The following KDM4C variants were observed in gnomAD, a reference collection of about 807,000 sequenced individuals.
The protein encoded by KDM4C is lysine-specific demethylase 4C.
In KDM4C, 81 loss-of-function variants were observed where a neutral mutation model predicts 129.3. The ratio of observed to expected loss-of-function variants is 0.63; its 90% CI spans 0.52 to 0.75. The LOEUF (loss-of-function observed/expected upper bound fraction) is 0.75. KDM4C is among the 30% of genes least tolerant of loss of function. The pLI is 0.00. For missense variants in KDM4C, 1,457 were observed against 1,304.0 expected, an observed-to-expected ratio of 1.12 and a Z score of -1.81; for synonymous variants, 573 against 456.1, an observed-to-expected ratio of 1.26 and a Z score of -3.26.
At chr9:6,837,429 A>G (rs140078227) in intron 4 of KDM4C, among the ~76,000 whole-genome samples, 228 of 152,340 alleles carry the variant, frequency 1.5e-3, no homozygotes, top group African/African-American at 5.2e-3. Flanking sequence ...TTAAGTGTAT[A>G]CTTCAGTGAT....
In KDM4C at chr9:7,103,805, G is replaced by T. The variant is rs1837375020; in HGVS notation, c.2545G>T (p.Glu849Ter). 1 of 1,613,898 alleles carries T rather than the reference G, an allele frequency of 6.2e-7. No homozygotes were observed. The highest frequency in any genetic ancestry group is 1.1e-5 in the South Asian group (1 of 91,084). The part of the protein sequence containing the change: ...TCAHAAGVLM[E>*]PDDWPYVVNI... The stretch of plus-strand genomic sequence containing the variant: ...TGCCCATGCTGCTGGGGTACTGATG[G>T]AGCCTGATGACTGGCCTTATGTGGT... Residue 849 changes from glutamate (E) to a stop codon, truncating the protein, a stop_gained, in exon 18 of 22, where the codon GAG becomes TAG. Coordinates refer to ENST00000381309, the MANE Select transcript of KDM4C (RefSeq NM_015061.6). LOFTEE classifies it high-confidence loss of function.
chr9:7,017,290 C>G (rs1341092854), intron 15 of KDM4C, among the ~76,000 whole-genome samples: 1 of 152,154 alleles, frequency 6.6e-6, no homozygotes, highest in African/African-American at 2.4e-5. Context: ...CTCATCCTTA[C>G]ATTTATACTT....
chr9:6,898,538 G>C (rs1365443374), intron 8 of KDM4C, among the ~76,000 whole-genome samples: 1 of 151,946 alleles, frequency 6.6e-6, no homozygotes, highest in Non-Finnish European at 1.5e-5. Flanking sequence ...TGCAGAGCTG[G>C]GAATGTTCTC....
chr9:6,986,924 T>G, intron 11 of KDM4C: 1 of 412,234 alleles, frequency 2.4e-6, no homozygotes, highest in Non-Finnish European at 4.3e-6. Flanking sequence ...AAAATTAAAC[T>G]CTTTACTTTG....
intron 16 of KDM4C, 93 bp downstream of exon 16, chr9:7,047,010 A>G (rs1433356660): frequency 5.6e-6 from 5 of 892,516 alleles, no homozygotes; most frequent in Non-Finnish European, 9.1e-6. Context: ...CTCATTGTAC[A>G]CGTGGTTTCA....
At chr9:7,075,436 A>T (rs1026896356) in intron 17 of KDM4C, among the ~76,000 whole-genome samples, 6 of 152,086 alleles carry the variant, frequency 3.9e-5, no homozygotes, top group African/African-American at 1.2e-4. Flanking sequence ...TCATGAATGG[A>T]TGAATGCCCT....
intron 8 of KDM4C, among the ~76,000 whole-genome samples, chr9:6,928,849 C>G (rs10975904): frequency 0.073 from 11,047 of 152,146 alleles, 1,082 homozygotes; most frequent in African/African-American, 0.22. Flanking sequence ...TGAGGTTTCC[C>G]TATGGAAGTA....
intron 5 of KDM4C, among the ~76,000 whole-genome samples, chr9:6,874,378 T>A (rs1382851199): frequency 6.6e-6 from 1 of 152,210 alleles, no homozygotes; most frequent in African/African-American, 2.4e-5. Context: ...AGCCCCGGGT[T>A]TTTTTAAAGG....
chr9:7,116,880 G>T (rs749421831), intron 18 of KDM4C, among the ~76,000 whole-genome samples: 2 of 152,024 alleles, frequency 1.3e-5, no homozygotes, highest in African/African-American at 2.4e-5. Context: ...CTCTAATTTT[G>T]TCTCCCGCTC....
chr9:6,858,646 G>T (rs529646902), intron 5 of KDM4C, among the ~76,000 whole-genome samples: 1 of 151,938 alleles, frequency 6.6e-6, no homozygotes, highest in Admixed American at 6.6e-5. Context: ...GGTGACGTGC[G>T]CCTGTAATCC....
intron 17 of KDM4C, among the ~76,000 whole-genome samples, chr9:7,056,465 C>T (rs1304630102): frequency 2.0e-5 from 3 of 152,074 alleles, no homozygotes; most frequent in African/African-American, 4.8e-5. Context: ...AATACCAAAC[C>T]ATAAAATCTT....
chr9:6,936,682 G>C (rs1299993152), intron 8 of KDM4C, among the ~76,000 whole-genome samples: 1 of 152,186 alleles, frequency 6.6e-6, no homozygotes, highest in African/African-American at 2.4e-5. Flanking sequence ...TTGTAGAAAG[G>C]TTCCTGTGAA....
chr9:6,819,243 G>C (rs563530956), intron 4 of KDM4C, among the ~76,000 whole-genome samples: 1 of 152,324 alleles, frequency 6.6e-6, no homozygotes, highest in South Asian at 2.1e-4. Flanking sequence ...AGCATTGACT[G>C]TAAAGATGAG....
intron 1 of KDM4C, among the ~76,000 whole-genome samples, chr9:6,747,560 G>C (rs200271184): frequency 1.7e-5 from 2 of 120,250 alleles, no homozygotes; most frequent in African/African-American, 6.6e-5. Flanking sequence ...AAAAAAAAAA[G>C]AATATAGAAA....
intron 2 of KDM4C, among the ~76,000 whole-genome samples, chr9:6,797,921 G>A (rs903315944): frequency 6.6e-6 from 1 of 152,190 alleles, no homozygotes; most frequent in African/African-American, 2.4e-5. Flanking sequence ...TCAGGAAGGT[G>A]AACTTCAGAA....
intron 1 of KDM4C, among the ~76,000 whole-genome samples, chr9:6,738,862 G>A (rs1817604949): frequency 6.6e-6 from 1 of 151,618 alleles, no homozygotes; most frequent in African/African-American, 2.4e-5. Flanking sequence ...TGGGATTACA[G>A]GCATGAGCTA....
At chr9:7,062,697 C>T (rs1564066029) in intron 17 of KDM4C, among the ~76,000 whole-genome samples, 1 of 150,832 alleles carries the variant, frequency 6.6e-6, no homozygotes, top group African/African-American at 2.4e-5. Flanking sequence ...TTTTTTTTTT[C>T]CCCACCATTT....
At chr9:6,725,990 G>A (rs1049567260) in intron 1 of KDM4C, among the ~76,000 whole-genome samples, 1 of 150,240 alleles carries the variant, frequency 6.7e-6, no homozygotes, top group Non-Finnish European at 1.5e-5. Flanking sequence ...GCAGTGGCGC[G>A]ATCTCGGCTC....
In KDM4C at chr9:7,013,911, A is replaced by T. The variant is rs1823165324; in HGVS notation, c.2092A>T (p.Ile698Leu). ...GTGTTTTATTTATAGTGAAGAAAAT[A>T]TAGAATATTCTCCACCCAATGCCTT... is the stretch of plus-strand genomic sequence containing the variant. ...EMCFIYSEEN[I>L]EYSPPNAFLE... is the part of the protein sequence containing the mutation. Residue 698 changes from isoleucine (I) to leucine (L), a missense_variant, in exon 14 of 22, where the codon ATA becomes TTA. Coordinates refer to ENST00000381309, the MANE Select transcript of KDM4C (RefSeq NM_015061.6). 1 of 1,613,876 alleles carries T rather than the reference A, an allele frequency of 6.2e-7. No individual in the cohort carries two copies. Among genetic ancestry groups the T allele is most frequent in the Non-Finnish European group, 8.5e-7 (1 of 1,179,868 alleles).
Sources: gnomAD v4.1 joint callset for allele counts (sites outside exome capture counted in the v4.1 genomes callset) on GRCh38, gnomAD v4.1.1 for gene constraint, MANE v1.5 for transcripts, NCBI Gene and HGNC (gene_info 2026-07-23, HGNC 2026-07-21) for gene names.